Variants in GRIA4 observed in about 807,000 individuals in gnomAD.
GRIA4 encodes the protein glutamate receptor 4.
A neutral mutation model predicts 104.0 loss-of-function variants in GRIA4; 34 were observed. The observed-to-expected ratio is 0.33, with a 90% confidence interval of 0.25 to 0.44. The LOEUF (loss-of-function observed/expected upper bound fraction) is 0.44. GRIA4 is among the 20% of genes least tolerant of loss of function. GRIA4 has a pLI of 1.00. For missense variants in GRIA4, 750 were observed against 1,096.5 expected (o/e 0.68, Z 4.46); for synonymous variants, 386 against 381.9 (o/e 1.01, Z -0.13).
At chr11:105,825,480 C>G (rs1243040694) in intron 4 of GRIA4, among the ~76,000 whole-genome samples, 1 of 152,184 alleles carries the variant, frequency 6.6e-6, no homozygotes, top group Admixed American at 6.5e-5. Context: ...TTGAGGCTTG[C>G]TTGTCTTTTC....
chr11:105,866,496 TACACATACATATATATAC>T (rs1945410769), intron 5 of GRIA4, among the ~76,000 whole-genome samples: 1 of 146,382 alleles, frequency 6.8e-6, no homozygotes, highest in Non-Finnish European at 1.5e-5. Flanking sequence ...ACATATATAA[TACACATACATATATATAC>T]ACACATACAT....
chr11:105,685,281 T>G (rs1482319142), intron 3 of GRIA4, among the ~76,000 whole-genome samples: 2 of 152,128 alleles, frequency 1.3e-5, no homozygotes, highest in Non-Finnish European at 2.9e-5. Context: ...AGCCTATGTC[T>G]CTTAAGAAAT....
chr11:105,928,162 T>C (rs568728154), intron 13 of GRIA4, among the ~76,000 whole-genome samples: 101 of 152,138 alleles, frequency 6.6e-4, no homozygotes, highest in African/African-American at 2.3e-3. Flanking sequence ...AATTTGATTA[T>C]AGTATCCTAA....
At chr11:105,648,922 G>A (rs1951609402) in intron 3 of GRIA4, among the ~76,000 whole-genome samples, 1 of 152,188 alleles carries the variant, frequency 6.6e-6, no homozygotes, top group South Asian at 2.1e-4. Context: ...GAAGCTAACG[G>A]ATTTTCTCAG....
rs73627610 is a variant in GRIA4, at chr11:105,650,468, A to G, written c.247+38034A>G. 6.6e-4 allele frequency among the ~76,000 whole-genome samples: 100 copies of G among 152,242 alleles called. 1 individual carries two copies. The highest frequency in any genetic ancestry group is 2.3e-3 in the African/African-American group (96 of 41,558). On this transcript the variant is annotated intron_variant, in intron 3 of 16. Coordinates refer to ENST00000282499, the MANE Select transcript of GRIA4 (RefSeq NM_000829.4). The stretch of plus-strand genomic sequence containing the variant: ...AGTGGTGACAATGTGTAAAATTTAA[A>G]TATTTTATTATGTAACAACCAAGAG...
At chr11:105,880,894 T>G (rs887415214) in intron 5 of GRIA4, among the ~76,000 whole-genome samples, 7 of 152,174 alleles carry the variant, frequency 4.6e-5, no homozygotes, top group Admixed American at 4.6e-4. Flanking sequence ...TTGGGATCAT[T>G]AGCCAACAAA....
At position 105,695,160 on chromosome 11, in the gene GRIA4, G is replaced by T. The variant is rs188127363; in HGVS notation, c.248-57821G>T. Among the ~76,000 whole-genome samples the T allele has an allele frequency of 2.0e-3, 307 of 152,170 alleles. 2 individuals are homozygous for T. The highest frequency in any genetic ancestry group is 7.2e-3 in the African/African-American group (297 of 41,524). ...TGCTTAATTTGAACTTAAAATCTTTGGGAAAAAAATTAAATATGTATTCTC... is the reference window on the plus strand; with the variant it reads ...TGCTTAATTTGAACTTAAAATCTTTTGGAAAAAAATTAAATATGTATTCTC... On this transcript the variant is annotated intron_variant, in intron 3 of 16. Transcript: ENST00000282499.
At chr11:105,774,054 T>C (rs1353784506) in intron 4 of GRIA4, among the ~76,000 whole-genome samples, 1 of 151,556 alleles carries the variant, frequency 6.6e-6, no homozygotes, top group Non-Finnish European at 1.5e-5. Context: ...TTTATAAAAA[T>C]TGACTATATA....
At chr11:105,974,088 G>A (rs1391877997) in intron 15 of GRIA4, among the ~76,000 whole-genome samples, 1 of 152,098 alleles carries the variant, frequency 6.6e-6, no homozygotes, top group Non-Finnish European at 1.5e-5. Flanking sequence ...TTCATTGAAT[G>A]TAATTAGATA....
At chr11:105,651,071 T>C (rs1172785165) in intron 3 of GRIA4, among the ~76,000 whole-genome samples, 1 of 152,122 alleles carries the variant, frequency 6.6e-6, no homozygotes, top group African/African-American at 2.4e-5. Flanking sequence ...GAGATCAGTA[T>C]CTCATGGATA....
chr11:105,943,144 G>A (rs1223065301), intron 14 of GRIA4, among the ~76,000 whole-genome samples: 2 of 152,092 alleles, frequency 1.3e-5, no homozygotes, highest in East Asian at 3.9e-4. Flanking sequence ...GCTGGTTTTG[G>A]AATTTAAGTA....
intron 4 of GRIA4, among the ~76,000 whole-genome samples, chr11:105,855,083 T>C (rs1944962230): frequency 6.6e-6 from 1 of 152,174 alleles, no homozygotes; most frequent in South Asian, 2.1e-4. Context: ...TTAAGCATTC[T>C]CCAAGCTCCT....
intron 3 of GRIA4, among the ~76,000 whole-genome samples, chr11:105,695,993 G>C (rs145550704): frequency 1.2e-4 from 18 of 152,286 alleles, no homozygotes; most frequent in Admixed American, 3.3e-4. Flanking sequence ...GCACTTCAAT[G>C]ACATAAAAGA....
intron 3 of GRIA4, among the ~76,000 whole-genome samples, chr11:105,739,887 AAATT>A (rs1413318544): frequency 6.6e-6 from 1 of 152,184 alleles, no homozygotes; most frequent in Non-Finnish European, 1.5e-5. Flanking sequence ...CAACAGGTAA[AAATT>A]AAGTTAATAT....
intron 14 of GRIA4, among the ~76,000 whole-genome samples, chr11:105,939,208 C>T (rs530493350): frequency 5.9e-5 from 9 of 152,098 alleles, no homozygotes; most frequent in Non-Finnish European, 1.2e-4. Context: ...TTTTTTAAGT[C>T]GTTCATTCTT....
intron 5 of GRIA4, among the ~76,000 whole-genome samples, chr11:105,885,586 T>C (rs1157240850): frequency 6.6e-6 from 1 of 152,180 alleles, no homozygotes; most frequent in Non-Finnish European, 1.5e-5. Flanking sequence ...AACAGAAGCT[T>C]TGGGTTCAGT....
intron 3 of GRIA4, among the ~76,000 whole-genome samples, chr11:105,705,751 A>G (rs1359625946): frequency 6.6e-6 from 1 of 152,152 alleles, no homozygotes; most frequent in East Asian, 1.9e-4. Flanking sequence ...GTATGACAAC[A>G]CACCCTCTTG....
At chr11:105,682,777 T>C (rs915281048) in intron 3 of GRIA4, among the ~76,000 whole-genome samples, 2 of 152,164 alleles carry the variant, frequency 1.3e-5, no homozygotes, top group Non-Finnish European at 2.9e-5. Flanking sequence ...GGAACCCCAA[T>C]ACTAATCTCT....
intron 4 of GRIA4, among the ~76,000 whole-genome samples, chr11:105,839,735 C>A (rs566944881): frequency 6.6e-6 from 1 of 151,784 alleles, no homozygotes; most frequent in African/African-American, 2.4e-5. Context: ...AAAAAAAGAA[C>A]CCCAAATTAC....
Sources: gnomAD v4.1 joint callset for allele counts (sites outside exome capture counted in the v4.1 genomes callset) on GRCh38, gnomAD v4.1.1 for gene constraint, MANE v1.5 for transcripts, NCBI Gene and HGNC (gene_info 2026-07-23, HGNC 2026-07-21) for gene names.